Variants in CIB1 observed in about 807,000 individuals in gnomAD.
CIB1 encodes calcium and integrin binding 1, also known as calcium and integrin-binding protein 1.
Under a neutral mutation model 25.0 loss-of-function variants are expected in CIB1, and 19 were observed. That is an observed-to-expected ratio of 0.76 (90% CI 0.53 to 1.12). The LOEUF (loss-of-function observed/expected upper bound fraction) is 1.12, where lower values mean the gene tolerates loss of function less well. CIB1 is among the 50% of genes most tolerant of loss of function. The pLI, the probability that CIB1 is intolerant of heterozygous loss-of-function variation, is 0.00. For missense variants in CIB1, 236 were observed against 242.6 expected (o/e 0.97, Z 0.18); for synonymous variants, 104 against 98.5 (o/e 1.06, Z -0.33).
the CIB1 span, chr15:90,262,695 C>T: frequency 6.9e-7 from 1 of 1,454,592 alleles, no homozygotes; most frequent in African/African-American, 1.4e-5. Flanking sequence ...TAGCTCTTAT[C>T]TTTCCACAGG....
chr15:90,251,631 A>C, the CIB1 span: 1 of 1,605,878 alleles, frequency 6.2e-7, no homozygotes, highest in Non-Finnish European at 8.5e-7. Context: ...TGTGGTGCAT[A>C]ACATGGTGCC....
the CIB1 span, chr15:90,262,318 A>G: frequency 7.9e-6 from 9 of 1,143,922 alleles, no homozygotes; most frequent in Non-Finnish European, 9.5e-6. Context: ...ATCCTATCAG[A>G]CTCTTAGTGA....
the CIB1 span, chr15:90,265,038 T>TA: frequency 6.9e-7 from 1 of 1,453,378 alleles, no homozygotes; most frequent in East Asian, 2.5e-5. Flanking sequence ...AAATCTTTGC[T>TA]AAATGAATGA....
chr15:90,264,892 G>T, the CIB1 span: 1 of 1,536,122 alleles, frequency 6.5e-7, no homozygotes, highest in Non-Finnish European at 8.7e-7. Context: ...GAGCAGCCAA[G>T]GTTCCCCTCT....
the CIB1 span, chr15:90,253,498 C>T: frequency 1.9e-6 from 1 of 523,346 alleles, no homozygotes; most frequent in Middle Eastern, 2.9e-4. Flanking sequence ...AAGACCACCC[C>T]CAGGGTCTTC....
chr15:90,233,637 G>C (rs1455755406), intron 2 of CIB1, 32 bp downstream of exon 2: 1 of 1,564,896 alleles, frequency 6.4e-7, no homozygotes, highest in South Asian at 1.2e-5. Context: ...GAGGATCCCG[G>C]GGTCGGAGGC....
chr15:90,252,535 A>T, the CIB1 span, among the ~76,000 whole-genome samples: 1 of 152,180 alleles, frequency 6.6e-6, no homozygotes, highest in African/African-American at 2.4e-5. Flanking sequence ...TTCAAGGAAG[A>T]TTTGAAGGGA....
the CIB1 span, chr15:90,262,499 C>T: frequency 2.7e-6 from 4 of 1,495,692 alleles, no homozygotes; most frequent in Middle Eastern, 1.9e-4. Flanking sequence ...CAGGCAGCAA[C>T]TAGAGGAGAT....
the CIB1 span, chr15:90,243,512 A>G: frequency 1.3e-5 from 2 of 151,624 alleles, no homozygotes; most frequent in African/African-American, 4.9e-5. Flanking sequence ...ACACCTGGCT[A>G]ATTTTTAAAT....
At chr15:90,260,511 A>AAAAAT in the CIB1 span, among the ~76,000 whole-genome samples, 3 of 151,942 alleles carry the variant, frequency 2.0e-5, no homozygotes, top group South Asian at 4.2e-4. Flanking sequence ...AATTAAATTA[A>AAAAAT]AAAATAAAAT....
chr15:90,265,526 T>C, the CIB1 span: 10 of 1,394,858 alleles, frequency 7.2e-6, no homozygotes, highest in African/African-American at 1.5e-5. Context: ...AGGGAAGCCC[T>C]CTCCACAGTT....
At chr15:90,263,857 G>T in the CIB1 span, 3 of 882,364 alleles carry the variant, frequency 3.4e-6, no homozygotes, top group African/African-American at 5.0e-5. Flanking sequence ...CCTGCATCCA[G>T]TTCTGCCCCA....
the CIB1 span, among the ~76,000 whole-genome samples, chr15:90,246,623 T>TG: frequency 4.0e-5 from 6 of 151,098 alleles, no homozygotes; most frequent in Non-Finnish European, 7.4e-5. Context: ...ACCCCATCTC[T>TG]CTGAAAATAC....
upstream of CIB1, among the ~76,000 whole-genome samples, chr15:90,238,925 C>A (rs1475696809): frequency 6.6e-6 from 1 of 150,916 alleles, no homozygotes; most frequent in African/African-American, 2.5e-5. Flanking sequence ...TCTGTCTCTA[C>A]CAAAAACAAA....
chr15:90,252,257 G>A, the CIB1 span, among the ~76,000 whole-genome samples: 1 of 152,076 alleles, frequency 6.6e-6, no homozygotes, highest in East Asian at 1.9e-4. Context: ...GGCTGGTCTT[G>A]AACTCCTGAC....
Position 90,232,213 on chromosome 15 carries a change from T to C in CIB1, c.195+6A>G, listed in dbSNP as rs1962509560. On this transcript the variant is annotated splice_donor_region_variant and intron_variant, in intron 3 of 6. Transcript: ENST00000328649. ...GAGAGGTGTCAAAGGAGGGGAGCGC[T>C]TGCACCTTGAGCTCTGGAAGGCTGA... 6.2e-7 allele frequency: 1 copy of C among 1,606,584 alleles called. No individual in the cohort carries two copies. The highest frequency in any genetic ancestry group is 8.5e-7 in the Non-Finnish European group (1 of 1,174,478).
the CIB1 span, among the ~76,000 whole-genome samples, chr15:90,240,431 C>T: frequency 6.6e-6 from 1 of 152,016 alleles, no homozygotes; most frequent in Admixed American, 6.6e-5. Context: ...TCACTTGAAC[C>T]CAGGAGGTGG....
chr15:90,230,815 T>C, intron 6 of CIB1, 119 bp downstream of exon 6: 2 of 941,446 alleles, frequency 2.1e-6, no homozygotes, highest in Non-Finnish European at 3.4e-6. Flanking sequence ...GCCGGCCCTG[T>C]GTGTGGGGAC....
At chr15:90,262,673 C>A in the CIB1 span, 1 of 1,477,048 alleles carries the variant, frequency 6.8e-7, no homozygotes. Context: ...GAAAGAGGTG[C>A]CAGGGGTTTT....
Sources: allele counts gnomAD v4.1 joint callset (sites outside exome capture counted in the v4.1 genomes callset), GRCh38; gene constraint gnomAD v4.1.1; transcripts MANE v1.5; gene names NCBI Gene and HGNC (gene_info 2026-07-23, HGNC 2026-07-21).